UGT1A7: variants seen among roughly 807,000 people sequenced by gnomAD.
UGT1A7 encodes the protein UDP glucuronosyltransferase family 1 member A7.
In UGT1A7, 33 loss-of-function variants were observed where a neutral mutation model predicts 45.6. The ratio of observed to expected loss-of-function variants is 0.72; its 90% confidence interval spans 0.55 to 0.97. UGT1A7 has a LOEUF of 0.97. Ranked by LOEUF, UGT1A7 falls within the 50% of genes least tolerant of loss-of-function variation. The pLI is 0.00. For synonymous variants in UGT1A7, 274 were observed against 250.6 expected (o/e 1.09, Z -0.88); for missense variants, 684 against 666.2 (o/e 1.03, Z -0.29).
intron 1 of UGT1A7, chr2:233,742,922 C>G (rs1038154831): frequency 2.7e-5 from 5 of 188,274 alleles, no homozygotes; most frequent in African/African-American, 1.2e-4. Context: ...AAGTGCTGAA[C>G]TGAACATTCT....
chr2:233,733,677 AC>A, intron 1 of UGT1A7, among the ~76,000 whole-genome samples: 1 of 152,244 alleles, frequency 6.6e-6, no homozygotes, highest in South Asian at 2.1e-4. Context: ...ATGTGGATAA[AC>A]TTTTTGATGT....
intron 1 of UGT1A7, chr2:233,717,713 A>T: frequency 2.4e-5 from 11 of 453,290 alleles, no homozygotes; most frequent in South Asian, 1.7e-4. Flanking sequence ...GACGAGCCTC[A>T]TGGGCATGAG....
intron 1 of UGT1A7, chr2:233,713,939 T>G: frequency 6.2e-7 from 1 of 1,610,264 alleles, no homozygotes; most frequent in Non-Finnish European, 8.5e-7. Context: ...AGTGCTTCCA[T>G]ATCTACTTAT....
chr2:233,741,869 C>T (rs992161093), intron 1 of UGT1A7: 4 of 151,862 alleles, frequency 2.6e-5, no homozygotes, highest in African/African-American at 7.3e-5. Flanking sequence ...CAAACCTTTC[C>T]TCAGAGGTGA....
chr2:233,705,895 C>G (rs1312071295), intron 1 of UGT1A7, among the ~76,000 whole-genome samples: 1 of 152,094 alleles, frequency 6.6e-6, no homozygotes, highest in Non-Finnish European at 1.5e-5. Context: ...CAAGACTGCC[C>G]TGGCCAAAAT....
chr2:233,738,537 C>G (rs761358623), intron 1 of UGT1A7, among the ~76,000 whole-genome samples: 3 of 152,168 alleles, frequency 2.0e-5, no homozygotes, highest in Non-Finnish European at 2.9e-5. Context: ...GAAGTCCAGG[C>G]TGAGTCTCAG....
intron 1 of UGT1A7, among the ~76,000 whole-genome samples, chr2:233,707,202 C>G (rs2075948467): frequency 6.6e-6 from 1 of 152,136 alleles, no homozygotes; most frequent in African/African-American, 2.4e-5. Flanking sequence ...GTTCTATTCC[C>G]TTTCCATCTT....
intron 1 of UGT1A7, among the ~76,000 whole-genome samples, chr2:233,683,912 A>G (rs1484697357): frequency 6.6e-6 from 1 of 152,200 alleles, no homozygotes; most frequent in African/African-American, 2.4e-5. Context: ...GGCGGAGCAT[A>G]TAGTTCCAAA....
At chr2:233,719,031 G>C (rs140140394) in intron 1 of UGT1A7, 1,168 of 1,614,166 alleles carry the variant, frequency 7.2e-4, no homozygotes, top group Non-Finnish European at 9.3e-4. Flanking sequence ...GCACATCAAA[G>C]AAGAGAAATT....
chr2:233,720,322 A>C (rs1355455978), intron 1 of UGT1A7, among the ~76,000 whole-genome samples: 3 of 152,124 alleles, frequency 2.0e-5, no homozygotes, highest in African/African-American at 7.2e-5. Context: ...ATGTGGGGAC[A>C]TCGTAGAGTT....
chr2:233,697,616 G>A (rs1238627433), intron 1 of UGT1A7, among the ~76,000 whole-genome samples: 1 of 149,658 alleles, frequency 6.7e-6, no homozygotes, highest in African/African-American at 2.5e-5. Context: ...TACAAAGTTT[G>A]AGTTTGGTTT....
rs999481021 is a variant in UGT1A7, at chr2:233,751,049, A to G, written c.856-15985A>G. On this transcript the variant is annotated intron_variant, in intron 1 of 4. Transcript: ENST00000373426. The stretch of plus-strand genomic sequence containing the variant: ...ATAGCTTGCACTGTGTGCCTGGAAA[A>G]GACACAGACACTCAATGCCAGCCTC... Among the ~76,000 whole-genome samples, 4 of 151,908 alleles carry G rather than the reference A, an allele frequency of 2.6e-5. 1 individual carries two copies. The highest frequency in any genetic ancestry group is 9.7e-5 in the African/African-American group (4 of 41,164).
intron 1 of UGT1A7, chr2:233,756,198 G>A (rs1023408746): frequency 6.6e-6 from 1 of 152,220 alleles, no homozygotes; most frequent in African/African-American, 2.4e-5. Context: ...TAGCAGAGTA[G>A]TCCCTGGTAT....
chr2:233,747,460 C>T, intron 1 of UGT1A7: 1 of 1,608,790 alleles, frequency 6.2e-7, no homozygotes, highest in Non-Finnish European at 8.5e-7. Context: ...TATGCCATTT[C>T]ATGGACCCAG....
chr2:233,700,852 C>T (rs1159927866), intron 1 of UGT1A7, among the ~76,000 whole-genome samples: 1 of 152,028 alleles, frequency 6.6e-6, no homozygotes, highest in Non-Finnish European at 1.5e-5. Flanking sequence ...AGGTATATCT[C>T]CTAATGCTAT....
intron 1 of UGT1A7, chr2:233,719,820 C>T: frequency 6.4e-7 from 1 of 1,571,828 alleles, no homozygotes; most frequent in Non-Finnish European, 8.6e-7. Flanking sequence ...AACAGATAAA[C>T]TGTTGAGGGG....
chr2:233,689,143 G>C (rs1436130390), intron 1 of UGT1A7, among the ~76,000 whole-genome samples: 3 of 152,208 alleles, frequency 2.0e-5, no homozygotes, highest in African/African-American at 7.2e-5. Context: ...AGCCCCTGAA[G>C]GAAGTTATAA....
At chr2:233,754,372 G>A (rs994818909) in intron 1 of UGT1A7, 3 of 279,470 alleles carry the variant, frequency 1.1e-5, no homozygotes, top group East Asian at 9.0e-5. Flanking sequence ...TACAATGATC[G>A]AAAGACAAAC....
At chr2:233,699,067 C>G (rs918094960) in intron 1 of UGT1A7, among the ~76,000 whole-genome samples, 1 of 152,220 alleles carries the variant, frequency 6.6e-6, no homozygotes, top group African/African-American at 2.4e-5. Flanking sequence ...CCAGCCCTGC[C>G]CAGGGCCTTC....
Sources: allele counts gnomAD v4.1 joint callset (sites outside exome capture counted in the v4.1 genomes callset), GRCh38; gene constraint gnomAD v4.1.1; transcripts MANE v1.5; gene names NCBI Gene and HGNC (gene_info 2026-07-23, HGNC 2026-07-21).